UACA: variants seen among roughly 807,000 people sequenced by gnomAD.
UACA encodes the protein uveal autoantigen with coiled-coil domains and ankyrin repeats, also known as nuclear membrane binding protein.
Under a neutral mutation model 160.5 loss-of-function variants are expected in UACA, and 112 were observed. The ratio of observed to expected loss-of-function variants is 0.70; its 90% CI spans 0.60 to 0.82. The LOEUF is 0.82. UACA is among the 40% of genes least tolerant of loss of function. The pLI is 0.00. For synonymous variants in UACA, 557 were observed against 568.4 expected (o/e 0.98, Z 0.29); for missense variants, 1,574 against 1,614.6 (o/e 0.97, Z 0.43).
chr15:70,729,201 A>G (rs908930347), intron 1 of UACA, among the ~76,000 whole-genome samples: 4 of 152,218 alleles, frequency 2.6e-5, no homozygotes, highest in South Asian at 2.1e-4. Flanking sequence ...TACTCAAAGG[A>G]AAATAAATCA....
At chr15:70,696,351 G>T (rs532823534) in intron 2 of UACA, among the ~76,000 whole-genome samples, 1 of 152,128 alleles carries the variant, frequency 6.6e-6, no homozygotes. Flanking sequence ...AGGGATTTTT[G>T]TCTAGTTTTG....
At chr15:70,737,379 A>G (rs1899401318) in intron 1 of UACA, among the ~76,000 whole-genome samples, 1 of 152,198 alleles carries the variant, frequency 6.6e-6, no homozygotes, top group Non-Finnish European at 1.5e-5. Flanking sequence ...AACAAGTTTT[A>G]TTCAGTTCTA....
chr15:70,735,986 A>G (rs1405890439), intron 1 of UACA, among the ~76,000 whole-genome samples: 1 of 152,160 alleles, frequency 6.6e-6, no homozygotes, highest in Non-Finnish European at 1.5e-5. Context: ...GAAAACAAAG[A>G]TTTTTAAAAA....
chr15:70,749,255 G>A (rs755118560), intron 1 of UACA: 18 of 432,310 alleles, frequency 4.2e-5, no homozygotes, highest in Middle Eastern at 6.9e-4. Flanking sequence ...GGCCGGGCGC[G>A]GTGGCTCATG....
At chr15:70,670,689 C>A (rs1566967077) in intron 15 of UACA, among the ~76,000 whole-genome samples, 1 of 151,378 alleles carries the variant, frequency 6.6e-6, no homozygotes, top group Non-Finnish European at 1.5e-5. Context: ...AAAAAAAAAC[C>A]AAAAAATTAT....
In UACA at chr15:70,668,549, T is replaced by C; in HGVS notation, c.2135A>G (p.Asn712Ser). The C allele has an allele frequency of 6.2e-7, 1 of 1,611,906 alleles. No homozygotes were observed. The highest frequency in any genetic ancestry group is 8.5e-7 in the Non-Finnish European group (1 of 1,179,712). ...GKKITELTLK[N>S]QTLQKEIEKV... ...TTCAATTTCCTTTTGTAGTGTCTGA[T>C]TTTTCAATGTTAACTCAGTGATCTT... The change falls in exon 16 of 19, where the codon AAT becomes AGT. Residue 712 changes from asparagine (N) to serine (S), a missense_variant. Coordinates refer to ENST00000322954, the MANE Select transcript of UACA (RefSeq NM_018003.4).
At chr15:70,749,231 G>T in intron 1 of UACA, 1 of 446,840 alleles carries the variant, frequency 2.2e-6, no homozygotes, top group Non-Finnish European at 4.5e-6. Flanking sequence ...ATAACAAAAA[G>T]TTGGAGAAAA....
intron 1 of UACA, 70 bp downstream of exon 1, chr15:70,763,260 A>G: frequency 7.8e-7 from 1 of 1,279,064 alleles, no homozygotes; most frequent in Non-Finnish European, 1.0e-6. Flanking sequence ...CGGCGCGCGA[A>G]CTCGCCAGCA....
At chr15:70,679,551 C>G in intron 10 of UACA, 57 bp downstream of exon 10, 12 of 1,180,722 alleles carry the variant, frequency 1.0e-5, no homozygotes, top group South Asian at 4.0e-5. Flanking sequence ...CTCTCAATCC[C>G]ACTACAAATA....
Position 70,715,606 on chromosome 15 carries a change from T to C in UACA, c.79-15946A>G, listed in dbSNP as rs140039332. On this transcript the variant is annotated intron_variant, in intron 1 of 18. Coordinates refer to ENST00000322954, the MANE Select transcript of UACA (RefSeq NM_018003.4). Reference sequence around the variant, plus strand: ...GAAAGCATATGTTTTTGTAAACATATTAAAAGTTAGCTGCTCTTCCTTTTA... The same window carrying C: ...GAAAGCATATGTTTTTGTAAACATACTAAAAGTTAGCTGCTCTTCCTTTTA... Among the ~76,000 whole-genome samples the C allele has an allele frequency of 9.2e-5, 14 of 152,306 alleles. No homozygotes were observed. The East Asian group carries it at 2.7e-3, about 29-fold the overall frequency.
chr15:70,723,132 A>G (rs986460516), intron 1 of UACA, among the ~76,000 whole-genome samples: 14 of 152,144 alleles, frequency 9.2e-5, no homozygotes, highest in Admixed American at 9.2e-4. Flanking sequence ...AATAAAAACC[A>G]CTTCATTTGT....
Position 70,667,756 on chromosome 15 carries a change from T to C in UACA, c.2928A>G (p.Thr976=). The change falls in exon 16 of 19, where the codon ACA becomes ACG. Residue 976 remains threonine (T), a synonymous_variant. Coordinates refer to ENST00000322954, the MANE Select transcript of UACA (RefSeq NM_018003.4). ...EIKAQKKELD[T]IQECIKVKYA... ...ATTTTACCTTAATGCATTCTTGTAT[T>C]GTGTCGAGCTCCTTCTTCTGGGCTT... 1 of 1,614,082 alleles carries C rather than the reference T, an allele frequency of 6.2e-7. No individual in the cohort carries two copies. Among genetic ancestry groups the C allele is most frequent in the Non-Finnish European group, 8.5e-7 (1 of 1,179,992 alleles).
In UACA at chr15:70,745,711, A is replaced by C. The variant is rs968492963; in HGVS notation, c.78+17619T>G. On this transcript the variant is annotated intron_variant, in intron 1 of 18. Coordinates refer to ENST00000322954, the MANE Select transcript of UACA (RefSeq NM_018003.4). ...CCATCATGCTACCTGACTTCAAACT[A>C]TAATATAAGGCTACAGTAACCAAAA... Among the ~76,000 whole-genome samples, 5 of 152,336 alleles carry C rather than the reference A, an allele frequency of 3.3e-5. 1 individual carries two copies. In the South Asian group the frequency reaches 8.3e-4, roughly 25 times the overall value.
intron 4 of UACA, among the ~76,000 whole-genome samples, chr15:70,691,048 C>T (rs1450566288): frequency 1.3e-5 from 2 of 152,070 alleles, no homozygotes; most frequent in Non-Finnish European, 2.9e-5. Context: ...AAATTCCAAC[C>T]TTCAGCTATG....
intron 1 of UACA, among the ~76,000 whole-genome samples, chr15:70,761,750 G>C (rs1595930650): frequency 1.3e-5 from 2 of 152,154 alleles, no homozygotes; most frequent in African/African-American, 4.8e-5. Flanking sequence ...GAGTGCTAAA[G>C]ATTTAAGCTC....
In UACA at chr15:70,667,360, T is replaced by C. The variant is rs1042148247; in HGVS notation, c.3324A>G (p.Gln1108=). 5.0e-6 allele frequency: 8 copies of C among 1,613,082 alleles called. No individual in the cohort carries two copies. The East Asian group carries it at 6.7e-5, about 13-fold the overall frequency. Residue 1108 remains glutamine (Q), a synonymous_variant, in exon 16 of 19, where the codon CAA becomes CAG. Coordinates refer to ENST00000322954, the MANE Select transcript of UACA (RefSeq NM_018003.4). ...CCTGTTCCAATGGAACATGTTGTTTTTGCAAAAGATTTTGCACTGCAAGTA... is the reference window on the plus strand; with the variant it reads ...CCTGTTCCAATGGAACATGTTGTTTCTGCAAAAGATTTTGCACTGCAAGTA... ...SEILAVQNLL[Q]KQHVPLEQVE...
At chr15:70,700,318 T>TATATATATATATATATATATACACAC (rs565377949) in intron 1 of UACA, among the ~76,000 whole-genome samples, 123 of 139,742 alleles carry the variant, frequency 8.8e-4, no homozygotes, top group African/African-American at 3.4e-3. Context: ...TATATATATA[T>TATATATATATATATATATATACACAC]ACACACACAC....
intron 1 of UACA, among the ~76,000 whole-genome samples, chr15:70,706,125 A>G (rs1898516435): frequency 6.6e-6 from 1 of 152,188 alleles, no homozygotes; most frequent in Admixed American, 6.5e-5. Context: ...ACGTTTCAAT[A>G]TATGAAATTC....
chr15:70,668,714 T>C lies in UACA; in HGVS notation c.1970A>G (p.His657Arg). ...AKKLVEMERE[H>R]EKSLSEIRQL... The stretch of plus-strand genomic sequence containing the variant: ...TCTAATTTCACTAAGTGATTTTTCA[T>C]GTTCTCTTTCCATTTCTACTAATTT... The change falls in exon 16 of 19, where the codon CAT becomes CGT. Residue 657 changes from histidine to arginine, a missense_variant. Transcript: ENST00000322954. 1.2e-6 allele frequency: 2 copies of C among 1,613,964 alleles called. No homozygotes were observed. The highest frequency in any genetic ancestry group is 1.7e-6 in the Non-Finnish European group (2 of 1,179,996).
Sources: gnomAD v4.1 joint callset for allele counts (sites outside exome capture counted in the v4.1 genomes callset) on GRCh38, gnomAD v4.1.1 for gene constraint, MANE v1.5 for transcripts, NCBI Gene and HGNC (gene_info 2026-07-23, HGNC 2026-07-21) for gene names.